Variants in CDH23 observed in about 807,000 individuals in gnomAD.
The protein encoded by CDH23 is cadherin related 23, also known as cadherin-23.
CDH23 carries 189 observed loss-of-function variants against 317.1 expected under a neutral mutation model. The ratio of observed to expected loss-of-function variants is 0.60; its 90% CI spans 0.53 to 0.67. CDH23 has a LOEUF of 0.67. Ranked by LOEUF, CDH23 falls within the 30% of genes least tolerant of loss-of-function variation. CDH23 has a pLI of 0.00. For synonymous variants in CDH23, 1,839 were observed against 1,876.8 expected (o/e 0.98, Z 0.52); for missense variants, 4,401 against 4,592.4 (o/e 0.96, Z 1.20).
chr10:71,752,074 G>A, intron 38 of CDH23: 1 of 700,034 alleles, frequency 1.4e-6, no homozygotes. Context: ...GGGCATCAGG[G>A]CCCACCAGAA....
At chr10:71,476,823 C>T (rs1169399673) in intron 3 of CDH23, among the ~76,000 whole-genome samples, 4 of 152,192 alleles carry the variant, frequency 2.6e-5, no homozygotes, top group Non-Finnish European at 5.9e-5. Context: ...CTCCCTCCTG[C>T]TCCCAGCCGG....
intron 38 of CDH23, among the ~76,000 whole-genome samples, chr10:71,772,731 G>A (rs1424790789): frequency 6.6e-6 from 1 of 152,198 alleles, no homozygotes; most frequent in Non-Finnish European, 1.5e-5. Flanking sequence ...GTCCCTGAGT[G>A]GCAGCCTTGC....
At chr10:71,637,415 A>G (rs935627453) in intron 11 of CDH23, among the ~76,000 whole-genome samples, 11 of 152,090 alleles carry the variant, frequency 7.2e-5, no homozygotes, top group African/African-American at 2.7e-4. Context: ...TCTATTGAAC[A>G]CTTATTCCGT....
chr10:71,753,917 T>C, intron 38 of CDH23: 2 of 456,052 alleles, frequency 4.4e-6, no homozygotes, highest in Non-Finnish European at 8.8e-6. Context: ...CCTCATCTCA[T>C]CCTCTGTGCC....
intron 6 of CDH23, among the ~76,000 whole-genome samples, chr10:71,534,562 C>T (rs1431896019): frequency 6.6e-6 from 1 of 152,218 alleles, no homozygotes; most frequent in Admixed American, 6.5e-5. Context: ...CAGAAGAATC[C>T]TGCCAGCTTG....
intron 6 of CDH23, among the ~76,000 whole-genome samples, chr10:71,562,496 T>C (rs1353459319): frequency 6.6e-6 from 1 of 152,180 alleles, no homozygotes; most frequent in East Asian, 1.9e-4. Flanking sequence ...GCACTTTGCT[T>C]GCTGTGGGCG....
chr10:71,494,657 C>G lies in CDH23; in HGVS notation c.146-15425C>G, dbSNP rs149642825. 4.0e-3 allele frequency among the ~76,000 whole-genome samples: 616 copies of G among 152,312 alleles called. 3 individuals carry two copies. The highest frequency in any genetic ancestry group is 0.014 in the African/African-American group (587 of 41,572). ...TGGCAAGGCCGGGACTGCGGTGAAG[C>G]AAGCTGGCCCCCAGGGCACAGAAAT... On this transcript the variant is annotated intron_variant, in intron 3 of 69. Transcript: ENST00000224721.
chr10:71,534,935 A>T (rs1855613093), intron 6 of CDH23, among the ~76,000 whole-genome samples: 1 of 152,146 alleles, frequency 6.6e-6, no homozygotes, highest in South Asian at 2.1e-4. Flanking sequence ...CCAGCTGAGG[A>T]AGCCAGTCAT....
intron 31 of CDH23, among the ~76,000 whole-genome samples, chr10:71,730,984 C>T (rs1316621890): frequency 3.9e-5 from 6 of 152,248 alleles, no homozygotes; most frequent in African/African-American, 1.4e-4. Context: ...AGCCCCTCCA[C>T]GCCTTCCAGG....
chr10:71,403,641 C>G (rs1847961973), intron 1 of CDH23, among the ~76,000 whole-genome samples: 1 of 151,310 alleles, frequency 6.6e-6, no homozygotes, highest in Non-Finnish European at 1.5e-5. Flanking sequence ...CTCAGCCTCC[C>G]AAGTAGCTGG....
At chr10:71,578,761 G>A (rs1160479499) in intron 9 of CDH23, among the ~76,000 whole-genome samples, 2 of 152,094 alleles carry the variant, frequency 1.3e-5, no homozygotes, top group Admixed American at 6.5e-5. Context: ...CCCAACCCAC[G>A]AGTCAGTGAA....
chr10:71,762,104 T>A (rs1840408787), intron 38 of CDH23: 1 of 1,440,466 alleles, frequency 6.9e-7, no homozygotes, highest in Non-Finnish European at 9.2e-7. Flanking sequence ...GGAAGAACCT[T>A]AGCCTCTGCT....
intron 14 of CDH23, among the ~76,000 whole-genome samples, chr10:71,667,968 C>A (rs1863984093): frequency 6.6e-6 from 1 of 152,148 alleles, no homozygotes; most frequent in African/African-American, 2.4e-5. Context: ...ACTGCCCCAT[C>A]CTTCCAAGGT....
intron 3 of CDH23, among the ~76,000 whole-genome samples, chr10:71,485,662 C>G (rs1210778929): frequency 1.3e-5 from 2 of 152,244 alleles, no homozygotes; most frequent in African/African-American, 2.4e-5. Context: ...GATGGTCCTA[C>G]CTCCACTGGC....
intron 3 of CDH23, among the ~76,000 whole-genome samples, chr10:71,503,943 TG>T (rs1391976314): frequency 1.3e-5 from 2 of 152,004 alleles, no homozygotes; most frequent in Non-Finnish European, 2.9e-5. Flanking sequence ...TGGGGCCAGA[TG>T]GGGCTCAGCC....
At chr10:71,528,126 G>A (rs1004358217) in intron 6 of CDH23, among the ~76,000 whole-genome samples, 8 of 152,178 alleles carry the variant, frequency 5.3e-5, no homozygotes, top group South Asian at 4.1e-4. Context: ...TCTCCAGGCC[G>A]TGGCCTGGCT....
chr10:71,755,223 A>C, intron 38 of CDH23: 34 of 815,678 alleles, frequency 4.2e-5, no homozygotes, highest in East Asian at 8.5e-5. Context: ...CCTGGCGGGA[A>C]GTGCAGCTGC....
rs202147495 is a variant in CDH23 at position 71,807,551 on chromosome 10, G to T, written c.8344G>T (p.Asp2782Tyr). 2 of 1,613,942 alleles carry T rather than the reference G, an allele frequency of 1.2e-6. No homozygotes were observed. The highest frequency in any genetic ancestry group is 1.7e-6 in the Non-Finnish European group (2 of 1,179,886). ...NEEKNFHLQP[D>Y]GCLLVLRDLD... ...AGAGAAGAACTTCCATCTGCAGCCC[G>T]ATGGGTGTCTGCTGGTGCTGCGGGA... Residue 2782 changes from aspartate to tyrosine, a missense_variant, in exon 59 of 70, where the codon GAT (aspartate) becomes TAT (tyrosine). Transcript: ENST00000224721.
intron 3 of CDH23, among the ~76,000 whole-genome samples, chr10:71,462,843 C>T (rs1021275139): frequency 2.0e-5 from 3 of 152,198 alleles, no homozygotes; most frequent in African/African-American, 7.2e-5. Flanking sequence ...AGTCCTAGGT[C>T]GGCCTCAGTC....
Sources: gnomAD v4.1 joint callset for allele counts (sites outside exome capture counted in the v4.1 genomes callset) on GRCh38, gnomAD v4.1.1 for gene constraint, MANE v1.5 for transcripts, NCBI Gene and HGNC (gene_info 2026-07-23, HGNC 2026-07-21) for gene names.